Variants in CHD1L observed in about 807,000 individuals in gnomAD.
CHD1L encodes the protein ATP-dependent chromatin remodeler CHD1L.
A neutral mutation model predicts 115.9 loss-of-function variants in CHD1L; 118 were observed. The ratio of observed to expected loss-of-function variants is 1.02; its 90% confidence interval spans 0.88 to 1.19. The LOEUF is 1.19. Among genes scored for constraint, CHD1L ranks in the 50% most tolerant of loss-of-function variants. CHD1L has a pLI of 0.00. For synonymous variants in CHD1L, 411 were observed against 387.1 expected (o/e 1.06, Z -0.72); for missense variants, 1,179 against 1,065.3 (o/e 1.11, Z -1.49).
rs1571838548 is a variant in CHD1L, at chr1:147,264,500, T to G, written c.655T>G (p.Phe219Val). The G allele has an allele frequency of 5.6e-6, 9 of 1,613,978 alleles. No individual in the cohort carries two copies. In the East Asian group the frequency reaches 2.0e-4, roughly 36 times the overall value. Residue 219 changes from phenylalanine (F) to valine (V), a missense_variant, in exon 7 of 23, where the codon TTT becomes GTT. Coordinates refer to ENST00000369258, the MANE Select transcript of CHD1L (RefSeq NM_004284.6). Reference protein sequence around the residue: ...SLQELYSLLSFVEPDLFSKEE... With the variant: ...SLQELYSLLSVVEPDLFSKEE... ...CCAAGAGCTCTACTCCCTCCTCAGTTTTGTGGAGCCTGATCTCTTTTCCAA... is the reference window on the plus strand; with the variant it reads ...CCAAGAGCTCTACTCCCTCCTCAGTGTTGTGGAGCCTGATCTCTTTTCCAA...
chr1:147,225,069 AAAG>A, the CHD1L span: 1 of 1,613,284 alleles, frequency 6.2e-7, no homozygotes, highest in Non-Finnish European at 8.5e-7. Flanking sequence ...CGCCTGTCCT[AAAG>A]AAAGGATGAC....
the CHD1L span, chr1:147,203,213 C>T: frequency 5.6e-5 from 49 of 875,588 alleles, no homozygotes; most frequent in East Asian, 8.5e-4. Context: ...GAAAACATCA[C>T]GCGATTCTTA....
chr1:147,269,765 C>T (rs1161721512), intron 10 of CHD1L, among the ~76,000 whole-genome samples: 1 of 151,020 alleles, frequency 6.6e-6, no homozygotes, highest in Non-Finnish European at 1.5e-5. Context: ...TTCTCTCTTT[C>T]TAGAGGAGTC....
At chr1:147,204,601 A>G in the CHD1L span, 1 of 1,593,584 alleles carries the variant, frequency 6.3e-7, no homozygotes, top group Non-Finnish European at 8.6e-7. Flanking sequence ...TAATTCCAGG[A>G]GAGCTCCGGC....
the CHD1L span, among the ~76,000 whole-genome samples, chr1:147,195,021 G>A: frequency 7.5e-4 from 114 of 151,674 alleles, 1 homozygote; most frequent in African/African-American, 2.5e-3. Context: ...TCTTTGTGGC[G>A]TTCTCTGTAT....
At chr1:147,230,002 T>C in the CHD1L span, among the ~76,000 whole-genome samples, 4 of 134,118 alleles carry the variant, frequency 3.0e-5, no homozygotes, top group African/African-American at 1.2e-4. Flanking sequence ...ACCCTTTATT[T>C]CCTTCTCCTG....
At chr1:147,264,635 A>G (rs782089219) in intron 7 of CHD1L, 51 bp downstream of exon 7, 2 of 1,578,870 alleles carry the variant, frequency 1.3e-6, no homozygotes, top group East Asian at 4.5e-5. Context: ...CACAGAAACC[A>G]TCCTCATGCA....
intron 19 of CHD1L, among the ~76,000 whole-genome samples, chr1:147,291,139 A>G (rs1313285998): frequency 6.6e-6 from 1 of 152,190 alleles, no homozygotes; most frequent in African/African-American, 2.4e-5. Flanking sequence ...AATTTGAATG[A>G]TTTAGGACAA....
chr1:147,226,116 T>TTC, the CHD1L span, among the ~76,000 whole-genome samples: 1 of 151,282 alleles, frequency 6.6e-6, no homozygotes, highest in Non-Finnish European at 1.5e-5. Flanking sequence ...ACTTTTTTTT[T>TTC]TTTCCAACTT....
At chr1:147,252,583 A>G in intron 1 of CHD1L, 40 bp from the exon 2 acceptor site, 1 of 1,504,694 alleles carries the variant, frequency 6.6e-7, no homozygotes, top group South Asian at 1.1e-5. Flanking sequence ...CATGTACTGA[A>G]ATGTCTGCTC....
In CHD1L at chr1:147,259,853, C is replaced by T. The variant is rs1671331917; in HGVS notation, c.511C>T (p.Leu171Phe). ...CTCTCACAGATTCCCTTGGAGTGTT[C>T]TTGTTGTGGATGAAGCTCACAGGTT... ...SFLKSFPWSVLVVDEAHRLKN... is the reference protein window; with the variant it reads ...SFLKSFPWSVFVVDEAHRLKN... Residue 171 changes from leucine to phenylalanine, a missense_variant, in exon 6 of 23, where the codon CTT becomes TTT. Leu to Phe is a conservative substitution (Grantham distance 22). Transcript: ENST00000369258. 1.9e-6 allele frequency: 3 copies of T among 1,613,624 alleles called. No homozygotes were observed. The highest frequency in any genetic ancestry group is 2.7e-5 in the African/African-American group (2 of 74,916).
chr1:147,219,502 T>C, the CHD1L span, among the ~76,000 whole-genome samples: 1 of 152,126 alleles, frequency 6.6e-6, no homozygotes, highest in Non-Finnish European at 1.5e-5. Flanking sequence ...AAAGAACATC[T>C]ACAAAATACC....
the CHD1L span, among the ~76,000 whole-genome samples, chr1:147,188,427 G>A: frequency 6.6e-6 from 1 of 151,520 alleles, no homozygotes; most frequent in African/African-American, 2.4e-5. Flanking sequence ...GGAGGCTGAG[G>A]CGGGAGAATT....
At chr1:147,179,685 C>A in the CHD1L span, 10 of 922,334 alleles carry the variant, frequency 1.1e-5, no homozygotes, top group African/African-American at 1.7e-4. Flanking sequence ...GGGAAAACCA[C>A]TGGGGAGGAC....
intron 19 of CHD1L, among the ~76,000 whole-genome samples, chr1:147,289,495 G>A (rs782507015): frequency 9.9e-5 from 15 of 152,186 alleles, no homozygotes; most frequent in Non-Finnish European, 1.0e-4. Flanking sequence ...GGAGCACTTT[G>A]AGGAGAGTGG....
intron 20 of CHD1L, 54 bp from the exon 21 acceptor site, chr1:147,293,554 G>C (rs1282112759): frequency 6.7e-7 from 1 of 1,496,298 alleles, no homozygotes; most frequent in South Asian, 1.1e-5. Context: ...CGGTCACTTG[G>C]TTGAGTGTGG....
At chr1:147,177,094 C>G in the CHD1L span, among the ~76,000 whole-genome samples, 1 of 151,878 alleles carries the variant, frequency 6.6e-6, no homozygotes, top group African/African-American at 2.4e-5. Flanking sequence ...ATACTGTTCT[C>G]CAACAAAGGG....
intron 15 of CHD1L, among the ~76,000 whole-genome samples, chr1:147,281,816 T>G (rs1443406740): frequency 6.6e-6 from 1 of 151,960 alleles, no homozygotes; most frequent in Non-Finnish European, 1.5e-5. Flanking sequence ...TATTTATTTA[T>G]TTATTGAAAT....
the CHD1L span, chr1:147,201,356 T>A: frequency 1.2e-6 from 2 of 1,614,198 alleles, no homozygotes; most frequent in Admixed American, 1.7e-5. Context: ...GTGGCAAAGA[T>A]AACAGCATCA....
Sources: gnomAD v4.1 joint callset for allele counts (sites outside exome capture counted in the v4.1 genomes callset) on GRCh38, gnomAD v4.1.1 for gene constraint, MANE v1.5 for transcripts, NCBI Gene and HGNC (gene_info 2026-07-23, HGNC 2026-07-21) for gene names.